Variants in SIKE1 observed in about 807,000 individuals in gnomAD.
SIKE1 encodes the protein suppressor of IKBKE 1, also known as suppressor of IKK epsilon.
Under a neutral mutation model 25.8 loss-of-function variants are expected in SIKE1, and 13 were observed. The ratio of observed to expected loss-of-function variants is 0.50; its 90% CI spans 0.33 to 0.80. The LOEUF is 0.80. SIKE1 is among the 30% of genes least tolerant of loss of function. The pLI is 0.02. For synonymous variants in SIKE1, 86 were observed against 95.5 expected (o/e 0.90, Z 0.58); for missense variants, 222 against 252.4 (o/e 0.88, Z 0.82).
Position 114,780,611 on chromosome 1 carries a change from A to G in SIKE1, c.-4T>C, listed in dbSNP as rs1328286422. The G allele has an allele frequency of 1.2e-6, 2 of 1,604,088 alleles. No homozygotes were observed. Among genetic ancestry groups the G allele is most frequent in the African/African-American group, 2.7e-5 (2 of 74,802 alleles). ...TCTTCTCGATGGTGCAGCTCATAGC[A>G]GCAGCACCACCCCAGCCCCTGCCGG... On this transcript the variant is annotated 5_prime_UTR_variant, in exon 1 of 5. Coordinates refer to ENST00000060969, the MANE Select transcript of SIKE1 (RefSeq NM_025073.3).
At chr1:114,775,614 C>T (rs943267897) in intron 4 of SIKE1, among the ~76,000 whole-genome samples, 8 of 151,298 alleles carry the variant, frequency 5.3e-5, no homozygotes, top group African/African-American at 1.7e-4. Flanking sequence ...TCAGGTGATC[C>T]TCACACCTCA....
intron 2 of SIKE1, 46 bp from the exon 3 acceptor site, chr1:114,779,330 TC>T (rs1662339246): frequency 6.3e-7 from 1 of 1,595,908 alleles, no homozygotes; most frequent in Middle Eastern, 1.7e-4. Flanking sequence ...GAGAGACAGT[TC>T]CCAAATCCAA....
chr1:114,775,874 A>C (rs1437988779), intron 4 of SIKE1, among the ~76,000 whole-genome samples: 1 of 152,172 alleles, frequency 6.6e-6, no homozygotes, highest in African/African-American at 2.4e-5. Flanking sequence ...CATAGCTTTT[A>C]AGAAATCAAG....
At chr1:114,778,289 A>G (rs1306600887) in intron 3 of SIKE1, among the ~76,000 whole-genome samples, 1 of 152,202 alleles carries the variant, frequency 6.6e-6, no homozygotes, top group Non-Finnish European at 1.5e-5. Context: ...CAAATTAGCA[A>G]AGAACAGAAA....
intron 3 of SIKE1, among the ~76,000 whole-genome samples, chr1:114,778,033 G>A (rs1344393806): frequency 2.0e-5 from 3 of 152,124 alleles, no homozygotes; most frequent in East Asian, 1.9e-4. Context: ...TCCTCCATAC[G>A]AGAAGAAAAT....
intron 2 of SIKE1, among the ~76,000 whole-genome samples, chr1:114,779,795 GTT>G (rs1050472948): frequency 1.5e-4 from 23 of 152,166 alleles, no homozygotes; most frequent in African/African-American, 3.9e-4. Context: ...TACCTTCAGT[GTT>G]TATATTAATA....
intron 3 of SIKE1, 45 bp from the exon 4 acceptor site, chr1:114,776,504 TGTAGATATAAAGAACGTAAAA>T: frequency 8.0e-7 from 1 of 1,249,716 alleles, no homozygotes; most frequent in Non-Finnish European, 1.2e-6. Flanking sequence ...TCACCTGTTC[TGTAGATATAAAGAACGTAAAA>T]GCATGTGCAT....
rs1416293254 is a variant in SIKE1 at position 114,780,131 on chromosome 1, C to T, written c.244G>A (p.Asp82Asn). 2 of 1,613,304 alleles carry T rather than the reference C, an allele frequency of 1.2e-6. No homozygotes were observed. Among genetic ancestry groups the T allele is most frequent in the Non-Finnish European group, 1.7e-6 (2 of 1,179,730 alleles). ...LLSQENTQIR[D>N]LQQENRELWI... ...TAACCTCTGTTTTCCTGTTGCAAGTCTCTAATCTGTGTGTTCTCTTGGGAC... is the reference window on the plus strand; with the variant it reads ...TAACCTCTGTTTTCCTGTTGCAAGTTTCTAATCTGTGTGTTCTCTTGGGAC... The change falls in exon 2 of 5, where the codon GAC becomes AAC. Residue 82 changes from aspartate (D) to asparagine (N), a missense_variant. By Grantham distance (23) the Asp-to-Asn change is conservative (BLOSUM62 1). Transcript: ENST00000060969.
At chr1:114,779,515 G>GT (rs1028084584) in intron 2 of SIKE1, among the ~76,000 whole-genome samples, 1 of 152,222 alleles carries the variant, frequency 6.6e-6, no homozygotes, top group Non-Finnish European at 1.5e-5. Flanking sequence ...GAAGACATGT[G>GT]TTTGAGTTCA....
At chr1:114,776,553 C>G in intron 3 of SIKE1, 94 bp from the exon 4 acceptor site, 1 of 820,064 alleles carries the variant, frequency 1.2e-6, no homozygotes, top group Middle Eastern at 2.2e-4. Flanking sequence ...TTTAAAAGTT[C>G]ATTTAATCTA....
Position 114,771,126 on chromosome 1 carries a change from T to G in SIKE1, c.*3145A>C, listed in dbSNP as rs1000919358. On this transcript the variant is annotated 3_prime_UTR_variant, in exon 5 of 5. Transcript: ENST00000060969. Reference sequence around the variant, plus strand: ...AAACACAAGAAAACAGCATGAGGGATGTAAGCCAATATGGTAAGGAGGCAG... The same window carrying G: ...AAACACAAGAAAACAGCATGAGGGAGGTAAGCCAATATGGTAAGGAGGCAG... 1 of 152,212 alleles carries G rather than the reference T, an allele frequency of 6.6e-6. No individual in the cohort carries two copies. 9.4% of individuals were successfully genotyped at this position (152,212 alleles called of 1,614,324 possible). A position where few individuals can be genotyped will look rare whatever the true frequency, so the allele number is the denominator to read the frequency against.
At chr1:114,776,141 T>C (rs932494934) in intron 4 of SIKE1, among the ~76,000 whole-genome samples, 3 of 152,208 alleles carry the variant, frequency 2.0e-5, no homozygotes, top group African/African-American at 7.2e-5. Context: ...TTCTTGCCAA[T>C]ACATAGTTGG....
At position 114,770,090 on chromosome 1, in the gene SIKE1, G is replaced by C. The variant is rs1662024888; in HGVS notation, c.*4181C>G. ...AGTAATTCTCAGGATCTCTAGGACA[G>C]CCAGCAAACAAGAATTAGAGGTTAC... On this transcript the variant is annotated 3_prime_UTR_variant, in exon 5 of 5. Coordinates refer to ENST00000060969, the MANE Select transcript of SIKE1 (RefSeq NM_025073.3). 1 of 152,200 alleles carries C rather than the reference G, an allele frequency of 6.6e-6. No individual in the cohort carries two copies. The highest frequency in any genetic ancestry group is 1.5e-5 in the Non-Finnish European group (1 of 68,038). The allele number at this position is 152,200 out of a possible 1,614,324, so 9.4% of individuals were successfully genotyped here.
chr1:114,780,673 C>G lies in SIKE1; in HGVS notation c.-66G>C. 1 of 1,407,006 alleles carries G rather than the reference C, an allele frequency of 7.1e-7. No homozygotes were observed. Among genetic ancestry groups the G allele is most frequent in the East Asian group, 2.6e-5 (1 of 38,734 alleles). 87.2% of individuals were successfully genotyped at this position (1,407,006 alleles called of 1,614,324 possible). A position where few individuals can be genotyped will look rare whatever the true frequency, so the allele number is the denominator to read the frequency against. ...CGACTCGCTCAGATCTTCTGGGAGT[C>G]TGTCTCAGCATTACAGGCGTCATTT... On this transcript the variant is annotated 5_prime_UTR_variant, in exon 1 of 5. Transcript: ENST00000060969.
chr1:114,774,415 C>T (rs1159327740), intron 4 of SIKE1, 43 bp from the exon 5 acceptor site: 1 of 1,321,064 alleles, frequency 7.6e-7, no homozygotes, highest in Admixed American at 1.8e-5. Flanking sequence ...TTTTTACTGT[C>T]CAACTGCATT....
At position 114,780,674 on chromosome 1, in the gene SIKE1, T is replaced by A; in HGVS notation, c.-67A>T. The A allele has an allele frequency of 7.2e-7, 1 of 1,386,890 alleles. No individual in the cohort carries two copies. The highest frequency in any genetic ancestry group is 9.8e-7 in the Non-Finnish European group (1 of 1,022,178). 85.9% of individuals were successfully genotyped at this position (1,386,890 alleles called of 1,614,324 possible). On this transcript the variant is annotated 5_prime_UTR_variant, in exon 1 of 5. Coordinates refer to ENST00000060969, the MANE Select transcript of SIKE1 (RefSeq NM_025073.3). ...GACTCGCTCAGATCTTCTGGGAGTCTGTCTCAGCATTACAGGCGTCATTTC... is the reference window on the plus strand; with the variant it reads ...GACTCGCTCAGATCTTCTGGGAGTCAGTCTCAGCATTACAGGCGTCATTTC...
rs376849714 is a variant in SIKE1, at chr1:114,780,083, T to A, written c.265+27A>T. ...CAATTTTGCAATAACTTTAAACTAT[T>A]ACCAGATATGAAAAGGCCTGACTAA... On this transcript the variant is annotated intron_variant, in intron 2 of 4. Transcript: ENST00000060969. The A allele has an allele frequency of 2.5e-5, 38 of 1,515,334 alleles. No individual in the cohort carries two copies. In the African/African-American group the frequency reaches 4.7e-4, roughly 19 times the overall value. 93.9% of individuals were successfully genotyped at this position (1,515,334 alleles called of 1,614,324 possible). A position where few individuals can be genotyped will look rare whatever the true frequency, so the allele number is the denominator to read the frequency against.
In SIKE1 at chr1:114,774,271, T is replaced by C. The variant is rs1199348600; in HGVS notation, c.624A>G (p.Ter208=). Reference sequence around the variant, plus strand: ...TCTCCAGCCATCATTCAGAGTTCAGTTATTTGATGGCTTGGGAAGCAGTGT... The same window carrying C: ...TCTCCAGCCATCATTCAGAGTTCAGCTATTTGATGGCTTGGGAAGCAGTGT... ...SMDTASQAIK[*] The change falls in exon 5 of 5, where the codon TAA becomes TAG. Residue 208 remains the stop codon, a stop_retained_variant. Transcript: ENST00000060969. 2 of 1,605,486 alleles carry C rather than the reference T, an allele frequency of 1.2e-6. No individual in the cohort carries two copies. Among genetic ancestry groups the C allele is most frequent in the Admixed American group, 1.7e-5 (1 of 59,930 alleles).
In SIKE1 at chr1:114,769,894, T is replaced by TA. The variant is rs1184689782; in HGVS notation, c.*4376dup. ...TTTGCATTCCCCATTTACCCTTTTA[T>TA]AAGCATCAAATATTACATTTAAATA... On this transcript the variant is annotated 3_prime_UTR_variant, in exon 5 of 5. Transcript: ENST00000060969. 6.6e-6 allele frequency: 1 copy of TA among 152,190 alleles called. No individual in the cohort carries two copies. The highest frequency in any genetic ancestry group is 6.5e-5 in the Admixed American group (1 of 15,276). 9.4% of individuals were successfully genotyped at this position (152,190 alleles called of 1,614,324 possible). A position where few individuals can be genotyped will look rare whatever the true frequency, so the allele number is the denominator to read the frequency against.
Sources: allele counts gnomAD v4.1 joint callset (sites outside exome capture counted in the v4.1 genomes callset), GRCh38; gene constraint gnomAD v4.1.1; transcripts MANE v1.5; gene names NCBI Gene and HGNC (gene_info 2026-07-23, HGNC 2026-07-21).